The following MIPOL1 variants were observed in gnomAD, a reference collection of about 807,000 sequenced individuals.
MIPOL1 encodes the protein mirror-image polydactyly 1.
MIPOL1 carries 57 observed loss-of-function variants against 60.9 expected under a neutral mutation model. The observed-to-expected ratio is 0.94, with a 90% CI of 0.76 to 1.17. The LOEUF is 1.17. Among genes scored for constraint, MIPOL1 ranks in the 50% most tolerant of loss-of-function variants. MIPOL1 has a pLI of 0.00. For missense variants in MIPOL1, 551 were observed against 511.6 expected (o/e 1.08, Z -0.74); for synonymous variants, 179 against 168.8 (o/e 1.06, Z -0.47).
chr14:37,403,927 A>T (rs74045635), intron 10 of MIPOL1, among the ~76,000 whole-genome samples: 3,029 of 152,238 alleles, frequency 0.02, 107 homozygotes, highest in African/African-American at 0.07. Context: ...TAGTGAATAG[A>T]TATGGTTGTA....
intron 9 of MIPOL1, among the ~76,000 whole-genome samples, chr14:37,365,977 T>A (rs1264128617): frequency 1.3e-5 from 2 of 152,108 alleles, no homozygotes; most frequent in Non-Finnish European, 2.9e-5. Context: ...TCTTCTAGAT[T>A]TGTCAATTTA....
chr14:37,524,946 G>A (rs563878005), intron 12 of MIPOL1, among the ~76,000 whole-genome samples: 24 of 152,150 alleles, frequency 1.6e-4, no homozygotes, highest in African/African-American at 5.1e-4. Flanking sequence ...AATAAAATGA[G>A]CATGATTATT....
intron 10 of MIPOL1, among the ~76,000 whole-genome samples, chr14:37,406,898 G>A (rs184908953): frequency 1.5e-4 from 23 of 152,196 alleles, no homozygotes; most frequent in Non-Finnish European, 2.2e-4. Context: ...GTGGCTTTCA[G>A]AGTTGGAGTC....
In MIPOL1 at chr14:37,372,591, TA is replaced by T. The variant is rs1172392396; in HGVS notation, c.936+2973del. Among the ~76,000 whole-genome samples the T allele has an allele frequency of 2.0e-5, 3 of 151,828 alleles. No homozygotes were observed. In the East Asian group the frequency reaches 5.8e-4, roughly 29 times the overall value. ...CAACATAATGAAAACCCGTCTCTAC[TA>T]AAAAATACTAAAATGAGCAAGGCGT... On this transcript the variant is annotated intron_variant, in intron 10 of 12. Transcript: ENST00000684589.
At position 37,369,573 on chromosome 14, in the gene MIPOL1, A is replaced by C. The variant is rs759983719; in HGVS notation, c.885A>C (p.Ala295=). Residue 295 remains alanine (A), a synonymous_variant, in exon 10 of 13, where the codon GCA becomes GCC. Transcript: ENST00000684589. The part of the protein sequence containing the change: ...HHVKEQNQTS[A]NNMRHLTAEN... ...TGAAAGAGCAGAACCAGACTTCAGCAAACAACATGAGACATCTGACTGCTG... is the reference window on the plus strand; with the variant it reads ...TGAAAGAGCAGAACCAGACTTCAGCCAACAACATGAGACATCTGACTGCTG... The C allele has an allele frequency of 6.2e-7, 1 of 1,613,470 alleles. No homozygotes were observed. The highest frequency in any genetic ancestry group is 8.5e-7 in the Non-Finnish European group (1 of 1,179,654).
intron 1 of MIPOL1, among the ~76,000 whole-genome samples, chr14:37,221,634 G>C (rs1435554762): frequency 6.6e-6 from 1 of 152,050 alleles, no homozygotes; most frequent in Non-Finnish European, 1.5e-5. Context: ...AGAGAGAGAG[G>C]AAAGGGTGAA....
In MIPOL1 at chr14:37,410,048, A is replaced by T. The variant is rs146572061; in HGVS notation, c.937-12807A>T. ...CAGCAAGATAAGAAATCTAAACCCA[A>T]TCACACCATAATCAAATTGAGGAAT... On this transcript the variant is annotated intron_variant, in intron 10 of 12. Transcript: ENST00000684589. 7.6e-4 allele frequency among the ~76,000 whole-genome samples: 115 copies of T among 152,314 alleles called. 1 individual carries two copies. Among genetic ancestry groups the T allele is most frequent in the African/African-American group, 2.8e-3 (115 of 41,572 alleles).
intron 11 of MIPOL1, among the ~76,000 whole-genome samples, chr14:37,498,083 C>T (rs1228462352): frequency 6.6e-6 from 1 of 152,114 alleles, no homozygotes; most frequent in Non-Finnish European, 1.5e-5. Flanking sequence ...TATGCAACAG[C>T]AAGGTGAACT....
At chr14:37,378,315 C>T (rs1005157368) in intron 10 of MIPOL1, among the ~76,000 whole-genome samples, 2 of 151,970 alleles carry the variant, frequency 1.3e-5, no homozygotes, top group Non-Finnish European at 2.9e-5. Context: ...GATGAATGTC[C>T]ACACAATAGA....
At chr14:37,481,712 A>G (rs2094873903) in intron 11 of MIPOL1, among the ~76,000 whole-genome samples, 1 of 152,058 alleles carries the variant, frequency 6.6e-6, no homozygotes, top group African/African-American at 2.4e-5. Flanking sequence ...AGCAATTAAA[A>G]CAGCATGATA....
intron 3 of MIPOL1, among the ~76,000 whole-genome samples, chr14:37,249,621 G>GT (rs1237687991): frequency 1.3e-5 from 2 of 152,006 alleles, no homozygotes; most frequent in East Asian, 1.9e-4. Context: ...ATAGTTCAAG[G>GT]TTTTTTGTGC....
chr14:37,404,417 A>C (rs1205852261), intron 10 of MIPOL1, among the ~76,000 whole-genome samples: 4 of 152,182 alleles, frequency 2.6e-5, no homozygotes, highest in Non-Finnish European at 5.9e-5. Context: ...AATCAGAAAG[A>C]ACAGATTTTA....
intron 11 of MIPOL1, among the ~76,000 whole-genome samples, chr14:37,481,837 A>G (rs1235399851): frequency 6.6e-6 from 1 of 152,176 alleles, no homozygotes; most frequent in Admixed American, 6.5e-5. Flanking sequence ...ACAATGGGAA[A>G]AGGATAGTCT....
intron 7 of MIPOL1, among the ~76,000 whole-genome samples, chr14:37,290,553 T>C (rs2084966048): frequency 6.6e-6 from 1 of 152,116 alleles, no homozygotes; most frequent in Non-Finnish European, 1.5e-5. Context: ...TGTCTTTTTT[T>C]TGTCAGATAC....
intron 11 of MIPOL1, among the ~76,000 whole-genome samples, chr14:37,448,606 T>C (rs942694365): frequency 6.6e-6 from 1 of 152,192 alleles, no homozygotes; most frequent in Non-Finnish European, 1.5e-5. Context: ...GACTTAACAG[T>C]TCACTGTATT....
intron 6 of MIPOL1, among the ~76,000 whole-genome samples, chr14:37,271,220 A>G (rs1044343939): frequency 3.2e-4 from 48 of 152,086 alleles, no homozygotes; most frequent in Admixed American, 2.4e-3. Context: ...GCCACTGTGA[A>G]TGTATCTCTC....
chr14:37,412,142 T>A (rs1053619754), intron 10 of MIPOL1, among the ~76,000 whole-genome samples: 22 of 152,110 alleles, frequency 1.4e-4, no homozygotes, highest in Non-Finnish European at 3.1e-4. Flanking sequence ...TGGTATTACC[T>A]CGTATCATCT....
chr14:37,345,862 C>T (rs927803382), intron 9 of MIPOL1, among the ~76,000 whole-genome samples: 4 of 152,162 alleles, frequency 2.6e-5, no homozygotes, highest in East Asian at 1.9e-4. Context: ...TTTTACTTAA[C>T]GTATCTTACA....
At chr14:37,223,773 T>G (rs2139569850) in intron 1 of MIPOL1, among the ~76,000 whole-genome samples, 1 of 152,318 alleles carries the variant, frequency 6.6e-6, no homozygotes, top group South Asian at 2.1e-4. Flanking sequence ...AGTGCTGGGA[T>G]TACAGGCGTG....
Sources: allele counts gnomAD v4.1 joint callset (sites outside exome capture counted in the v4.1 genomes callset), GRCh38; gene constraint gnomAD v4.1.1; transcripts MANE v1.5; gene names NCBI Gene and HGNC (gene_info 2026-07-23, HGNC 2026-07-21).